Variants in ATP8A2 observed in about 807,000 individuals in gnomAD.
The protein encoded by ATP8A2 is phospholipid-transporting ATPase IB.
ATP8A2 carries 100 observed loss-of-function variants against 165.6 expected under a neutral mutation model. That is an observed-to-expected ratio of 0.60 (90% CI 0.51 to 0.71). The LOEUF (loss-of-function observed/expected upper bound fraction) is 0.71, where lower values mean the gene tolerates loss of function less well. ATP8A2 is among the 30% of genes least tolerant of loss of function. ATP8A2 has a pLI of 0.00. For missense variants in ATP8A2, 1,227 were observed against 1,479.5 expected (o/e 0.83, Z 2.80); for synonymous variants, 543 against 548.8 (o/e 0.99, Z 0.15).
intron 33 of ATP8A2, among the ~76,000 whole-genome samples, chr13:25,866,521 G>A (rs1238929476): frequency 2.6e-5 from 4 of 152,038 alleles, no homozygotes; most frequent in African/African-American, 9.7e-5. Context: ...TTTGAGTAAG[G>A]TCTATTGACC....
chr13:25,673,150 TGATGGACAAGGCAAGGA>T (rs2042301603), intron 24 of ATP8A2, among the ~76,000 whole-genome samples: 1 of 152,168 alleles, frequency 6.6e-6, no homozygotes, highest in African/African-American at 2.4e-5. Context: ...TTTCCTACCA[TGATGGACAAGGCAAGGA>T]GATGAGGGAC....
intron 2 of ATP8A2, among the ~76,000 whole-genome samples, chr13:25,503,991 T>A (rs1005293305): frequency 6.6e-6 from 1 of 152,226 alleles, no homozygotes; most frequent in Non-Finnish European, 1.5e-5. Flanking sequence ...CACTGTGAAG[T>A]AACATTCTAT....
intron 33 of ATP8A2, among the ~76,000 whole-genome samples, chr13:25,936,372 G>A (rs748717250): frequency 4.2e-4 from 64 of 152,192 alleles, no homozygotes; most frequent in South Asian, 2.1e-4. Context: ...GAGTGTCTGC[G>A]GAAGTCATTC....
At chr13:25,540,429 C>T (rs1199573879) in intron 8 of ATP8A2, 41 bp downstream of exon 8, 3 of 1,383,344 alleles carry the variant, frequency 2.2e-6, no homozygotes, top group Non-Finnish European at 3.1e-6. Flanking sequence ...ATGGTAGACA[C>T]AACTGCAAAT....
At chr13:25,792,136 C>T (rs1365332536) in intron 27 of ATP8A2, among the ~76,000 whole-genome samples, 1 of 152,198 alleles carries the variant, frequency 6.6e-6, no homozygotes, top group Non-Finnish European at 1.5e-5. Flanking sequence ...TTAACCATCT[C>T]CCTTGAGCTG....
intron 11 of ATP8A2, among the ~76,000 whole-genome samples, chr13:25,552,067 C>T (rs1593517643): frequency 6.6e-6 from 1 of 151,180 alleles, no homozygotes; most frequent in Non-Finnish European, 1.5e-5. Flanking sequence ...GCTCACTGCA[C>T]CCTCCACCTC....
chr13:25,540,615 C>T (rs1344466481), intron 8 of ATP8A2, among the ~76,000 whole-genome samples: 3 of 152,078 alleles, frequency 2.0e-5, no homozygotes, highest in Non-Finnish European at 2.9e-5. Context: ...CTTCATATAG[C>T]GTCTTATTGA....
chr13:25,741,197 T>C (rs1374747514), intron 25 of ATP8A2, among the ~76,000 whole-genome samples: 1 of 152,230 alleles, frequency 6.6e-6, no homozygotes, highest in East Asian at 1.9e-4. Context: ...GAAATTTTGA[T>C]GAGCACTGGA....
chr13:25,408,574 G>A (rs1402219257), intron 1 of ATP8A2, among the ~76,000 whole-genome samples: 1 of 152,020 alleles, frequency 6.6e-6, no homozygotes, highest in East Asian at 1.9e-4. Flanking sequence ...ATGTTTATTC[G>A]GTAACTAGGT....
At chr13:25,531,129 G>GTA (rs1276417705) in intron 4 of ATP8A2, among the ~76,000 whole-genome samples, 1 of 92,220 alleles carries the variant, frequency 1.1e-5, no homozygotes, top group African/African-American at 4.7e-5. Context: ...ATATATTTGT[G>GTA]TGTGTGTGTA....
chr13:25,687,369 A>G (rs2042624253), intron 24 of ATP8A2, among the ~76,000 whole-genome samples: 1 of 152,196 alleles, frequency 6.6e-6, no homozygotes, highest in Non-Finnish European at 1.5e-5. Flanking sequence ...CCGGATGTTC[A>G]TTTGAAATTT....
At chr13:25,770,874 A>C (rs150573337) in intron 26 of ATP8A2, among the ~76,000 whole-genome samples, 1 of 152,176 alleles carries the variant, frequency 6.6e-6, no homozygotes, top group Non-Finnish European at 1.5e-5. Context: ...CACAAGGAAA[A>C]ATGGCTACAC....
At chr13:25,818,924 G>A (rs867359600) in intron 27 of ATP8A2, among the ~76,000 whole-genome samples, 40 of 152,138 alleles carry the variant, frequency 2.6e-4, no homozygotes, top group African/African-American at 8.0e-4. Flanking sequence ...AAATGAGTGC[G>A]GTGTGGTGAT....
chr13:25,937,322 G>A (rs1216914327), intron 33 of ATP8A2, among the ~76,000 whole-genome samples: 2 of 82,322 alleles, frequency 2.4e-5, no homozygotes, highest in Non-Finnish European at 5.5e-5. Flanking sequence ...AACTTTTGTG[G>A]CATTTTATTT....
At chr13:25,756,306 G>C (rs1371699732) in intron 25 of ATP8A2, among the ~76,000 whole-genome samples, 1 of 150,988 alleles carries the variant, frequency 6.6e-6, no homozygotes, top group Non-Finnish European at 1.5e-5. Context: ...GTGAATTGGA[G>C]GATTAGGTAA....
chr13:25,735,563 G>A (rs554238826), intron 25 of ATP8A2, among the ~76,000 whole-genome samples: 1 of 144,992 alleles, frequency 6.9e-6, no homozygotes, highest in African/African-American at 2.5e-5. Context: ...ACTGGCAAGG[G>A]TTGGAAGTTC....
chr13:25,476,227 A>C (rs143931357), intron 2 of ATP8A2, among the ~76,000 whole-genome samples: 34 of 152,264 alleles, frequency 2.2e-4, no homozygotes, highest in African/African-American at 8.2e-4. Context: ...ATCTGGTCTT[A>C]ATGCACAAGC....
intron 1 of ATP8A2, among the ~76,000 whole-genome samples, chr13:25,449,619 C>T (rs2035159267): frequency 6.6e-6 from 1 of 152,100 alleles, no homozygotes; most frequent in African/African-American, 2.4e-5. Flanking sequence ...TATTTTCTTT[C>T]TCTGTGTTGT....
chr13:25,997,379 C>T (rs1476186252), intron 35 of ATP8A2, among the ~76,000 whole-genome samples: 6 of 152,114 alleles, frequency 3.9e-5, no homozygotes, highest in African/African-American at 1.4e-4. Flanking sequence ...GAATCTTTGT[C>T]GTTGGTTTTT....
Sources: allele counts gnomAD v4.1 joint callset (sites outside exome capture counted in the v4.1 genomes callset), GRCh38; gene constraint gnomAD v4.1.1; transcripts MANE v1.5; gene names NCBI Gene and HGNC (gene_info 2026-07-23, HGNC 2026-07-21).